The following NECAB1 variants were observed in gnomAD, a reference collection of about 807,000 sequenced individuals.
The protein encoded by NECAB1 is N-terminal EF-hand calcium binding protein 1.
Under a neutral mutation model 57.5 loss-of-function variants are expected in NECAB1, and 29 were observed. The observed-to-expected ratio is 0.50, with a 90% CI of 0.38 to 0.69. NECAB1 has a LOEUF of 0.69. Among genes scored for constraint, NECAB1 ranks in the 30% least tolerant of loss-of-function variants. NECAB1 has a pLI of 0.00. For missense variants in NECAB1, 372 were observed against 413.8 expected (o/e 0.90, Z 0.88); for synonymous variants, 142 against 147.7 (o/e 0.96, Z 0.28).
intron 3 of NECAB1, among the ~76,000 whole-genome samples, chr8:90,862,698 A>G (rs543340082): frequency 1.3e-5 from 2 of 150,408 alleles, no homozygotes; most frequent in Admixed American, 1.3e-4. Flanking sequence ...TAAGATCACT[A>G]ACAAGCCATA....
At chr8:90,809,813 A>G (rs904101538) in intron 2 of NECAB1, among the ~76,000 whole-genome samples, 1 of 152,224 alleles carries the variant, frequency 6.6e-6, no homozygotes, top group African/African-American at 2.4e-5. Context: ...AATCACACCT[A>G]AGTTGTTAAA....
At chr8:90,844,841 T>C (rs1812526221) in intron 3 of NECAB1, among the ~76,000 whole-genome samples, 1 of 152,180 alleles carries the variant, frequency 6.6e-6, no homozygotes, top group African/African-American at 2.4e-5. Flanking sequence ...AATTGAAAAG[T>C]TAAAAATTTG....
intron 3 of NECAB1, among the ~76,000 whole-genome samples, chr8:90,867,432 T>C (rs933636745): frequency 2.6e-5 from 4 of 152,232 alleles, no homozygotes; most frequent in African/African-American, 9.6e-5. Flanking sequence ...CATGTTTTAA[T>C]GACCAAAATG....
At chr8:90,896,902 CA>C (rs1384379051) in intron 5 of NECAB1, among the ~76,000 whole-genome samples, 1 of 151,962 alleles carries the variant, frequency 6.6e-6, no homozygotes, top group East Asian at 1.9e-4. Flanking sequence ...TTAAATTAGC[CA>C]ATTAGAATTA....
Position 90,824,817 on chromosome 8 carries a change from T to C in NECAB1, c.225T>C (p.His75=). 2 of 1,504,764 alleles carry C rather than the reference T, an allele frequency of 1.3e-6. No homozygotes were observed. Among genetic ancestry groups the C allele is most frequent in the Non-Finnish European group, 1.8e-6 (2 of 1,114,382 alleles). The allele number at this position is 1,504,764 out of a possible 1,614,324, so 93.2% of individuals were successfully genotyped here. The change falls in exon 3 of 13, where the codon CAT becomes CAC. Residue 75 remains histidine, a synonymous_variant. Coordinates refer to ENST00000417640, the MANE Select transcript of NECAB1 (RefSeq NM_022351.5). ...AGCTTTTCCATACCATTGATACACA[T>C]AATACTAAGTAAGAAACTTTTTTAT... ...LHELFHTIDT[H]NTNNLDTEEL...
At chr8:90,904,785 G>A (rs573367923) in intron 5 of NECAB1, among the ~76,000 whole-genome samples, 87 of 152,190 alleles carry the variant, frequency 5.7e-4, no homozygotes, top group Admixed American at 1.4e-3. Flanking sequence ...TGGCAAAAAT[G>A]TATAGAAATC....
chr8:90,896,663 T>C (rs988876995), intron 5 of NECAB1, among the ~76,000 whole-genome samples: 3 of 152,128 alleles, frequency 2.0e-5, no homozygotes, highest in Non-Finnish European at 2.9e-5. Flanking sequence ...TACGTCAGTA[T>C]GTTCAATTCT....
At chr8:90,867,759 T>C (rs1808547029) in intron 3 of NECAB1, among the ~76,000 whole-genome samples, 1 of 152,236 alleles carries the variant, frequency 6.6e-6, no homozygotes, top group South Asian at 2.1e-4. Context: ...AAATAGAAGT[T>C]CAAATATTTC....
Position 90,925,551 on chromosome 8 carries a change from C to T in NECAB1, c.511C>T (p.Pro171Ser). The T allele has an allele frequency of 6.2e-7, 1 of 1,612,802 alleles. No homozygotes were observed. The highest frequency in any genetic ancestry group is 8.5e-7 in the Non-Finnish European group (1 of 1,179,472). Residue 171 changes from proline (P) to serine (S), a missense_variant, in exon 7 of 13, where the codon CCA becomes TCA. By Grantham distance (74) the Pro-to-Ser change is moderately conservative. Transcript: ENST00000417640. ...TTGATCAAGGCAAGGGCCAGCCAAG[C>T]CAGAAGTCCTGTCGATTCAATGGCC... ...TRQERQGPAKPEVLSIQWPGK... is the reference protein window; with the variant it reads ...TRQERQGPAKSEVLSIQWPGK...
At chr8:90,840,216 G>C (rs1225975950) in intron 3 of NECAB1, among the ~76,000 whole-genome samples, 1 of 152,210 alleles carries the variant, frequency 6.6e-6, no homozygotes. Flanking sequence ...AAATTTAACA[G>C]TCAGGGAGAC....
intron 5 of NECAB1, among the ~76,000 whole-genome samples, chr8:90,893,667 A>G (rs933824539): frequency 6.6e-6 from 1 of 152,066 alleles, no homozygotes; most frequent in African/African-American, 2.4e-5. Flanking sequence ...GAACTCACCA[A>G]CTCATGGGGT....
chr8:90,795,139 A>C (rs1811639183), intron 1 of NECAB1, among the ~76,000 whole-genome samples: 1 of 152,256 alleles, frequency 6.6e-6, no homozygotes, highest in African/African-American at 2.4e-5. Flanking sequence ...CAATCCAGTT[A>C]ACAGAAGAGG....
intron 6 of NECAB1, 148 bp downstream of exon 6, chr8:90,917,776 G>C: frequency 1.5e-6 from 1 of 658,428 alleles, no homozygotes; most frequent in Non-Finnish European, 2.1e-6. Flanking sequence ...CTGGTTGCTT[G>C]CCTTATTATT....
chr8:90,880,533 A>G (rs1181752214), intron 4 of NECAB1, among the ~76,000 whole-genome samples: 2 of 49,608 alleles, frequency 4.0e-5, no homozygotes, highest in African/African-American at 4.4e-4. Flanking sequence ...AAATTGTTGG[A>G]AAAAAAAAAA....
intron 10 of NECAB1, among the ~76,000 whole-genome samples, chr8:90,947,103 T>A (rs773407259): frequency 1.3e-5 from 2 of 152,166 alleles, no homozygotes; most frequent in East Asian, 3.8e-4. Flanking sequence ...TTAATACTTA[T>A]ATTATTAGCT....
Position 90,917,478 on chromosome 8 carries a change from T to C in NECAB1, c.358-14T>C, listed in dbSNP as rs1809981995. The C allele has an allele frequency of 6.4e-7, 1 of 1,573,900 alleles. No individual in the cohort carries two copies. The highest frequency in any genetic ancestry group is 1.7e-4 in the Middle Eastern group (1 of 5,822). On this transcript the variant is annotated splice_polypyrimidine_tract_variant and intron_variant, in intron 5 of 12. Transcript: ENST00000417640. Reference sequence around the variant, plus strand: ...CTACCATACTTCTAATTGCATTTGTTTTGTCACCCTTAGGACTACCAAGAA... The same window carrying C: ...CTACCATACTTCTAATTGCATTTGTCTTGTCACCCTTAGGACTACCAAGAA...
intron 3 of NECAB1, among the ~76,000 whole-genome samples, chr8:90,867,661 T>C (rs1808544841): frequency 6.6e-6 from 1 of 152,248 alleles, no homozygotes; most frequent in Non-Finnish European, 1.5e-5. Flanking sequence ...TGTTTATCAA[T>C]TATACAAATG....
intron 5 of NECAB1, among the ~76,000 whole-genome samples, chr8:90,889,578 T>C (rs979484104): frequency 2.6e-5 from 4 of 152,208 alleles, no homozygotes. Context: ...TATCATGAGA[T>C]TGTAGTCATT....
chr8:90,927,075 G>A (rs572197199), intron 7 of NECAB1, among the ~76,000 whole-genome samples: 2 of 152,154 alleles, frequency 1.3e-5, no homozygotes, highest in African/African-American at 2.4e-5. Context: ...GGTCTCTGAT[G>A]TGACAGCCAC....
Sources: allele counts gnomAD v4.1 joint callset (sites outside exome capture counted in the v4.1 genomes callset), GRCh38; gene constraint gnomAD v4.1.1; transcripts MANE v1.5; gene names NCBI Gene and HGNC (gene_info 2026-07-23, HGNC 2026-07-21).